The following CDC14A variants were observed in gnomAD, a reference collection of about 807,000 sequenced individuals.
The protein encoded by CDC14A is cell division cycle 14A.
A neutral mutation model predicts 74.4 loss-of-function variants in CDC14A; 53 were observed. The observed-to-expected ratio is 0.71, with a 90% CI of 0.57 to 0.89. CDC14A has a LOEUF of 0.89. Among genes scored for constraint, CDC14A ranks in the 40% least tolerant of loss-of-function variants. CDC14A has a pLI of 0.00. For missense variants in CDC14A, 646 were observed against 713.7 expected (o/e 0.91, Z 1.08); for synonymous variants, 247 against 258.4 (o/e 0.96, Z 0.43).
intron 15 of CDC14A, among the ~76,000 whole-genome samples, chr1:100,507,960 A>C (rs1014225807): frequency 3.9e-4 from 60 of 152,208 alleles, no homozygotes; most frequent in African/African-American, 1.4e-3. Flanking sequence ...GATTACAGGC[A>C]TAAGCCACTG....
At chr1:100,477,649 G>T (rs1056327389) in intron 10 of CDC14A, among the ~76,000 whole-genome samples, 1 of 152,104 alleles carries the variant, frequency 6.6e-6, no homozygotes, top group Admixed American at 6.6e-5. Context: ...ACTAACTAAT[G>T]ATCAGAGAGA....
At chr1:100,366,024 A>G (rs1653548491) in intron 2 of CDC14A, among the ~76,000 whole-genome samples, 2 of 151,858 alleles carry the variant, frequency 1.3e-5, no homozygotes. Context: ...CATTTATCAC[A>G]TTGTAATAAT....
chr1:100,463,827 C>T (rs1337283870), intron 9 of CDC14A, among the ~76,000 whole-genome samples: 3 of 152,092 alleles, frequency 2.0e-5, no homozygotes, highest in East Asian at 1.9e-4. Flanking sequence ...TTGATTTCAG[C>T]GAGGAGAAAT....
At chr1:100,349,524 G>T (rs12128994), upstream of CDC14A, among the ~76,000 whole-genome samples, 21,937 of 152,130 alleles carry the variant, frequency 0.14, 1,856 homozygotes, top group Non-Finnish European at 0.18. Context: ...TAGAACCTTG[G>T]TATGTATTAT....
At chr1:100,396,157 G>A (rs937502221) in intron 4 of CDC14A, among the ~76,000 whole-genome samples, 8 of 152,214 alleles carry the variant, frequency 5.3e-5, no homozygotes, top group Non-Finnish European at 1.2e-4. Flanking sequence ...CAAGGGGTTA[G>A]GCCGGGTATT....
At chr1:100,427,257 A>T (rs1300616788) in intron 5 of CDC14A, among the ~76,000 whole-genome samples, 1 of 152,096 alleles carries the variant, frequency 6.6e-6, no homozygotes, top group Non-Finnish European at 1.5e-5. Context: ...TTCTATTTGG[A>T]TGTAATTGTT....
In CDC14A at chr1:100,508,386, TTTGCCTTGTGG is replaced by T. The variant is rs1649422998; in HGVS notation, c.1755+9129_1755+9139del. ...CTATTTGCATTTCATCCTGTGAGAG[TTTGCCTTGTGG>T]TTGCATACTTCGTCAGTTCTCATAA... On this transcript the variant is annotated intron_variant, in intron 15 of 15. Coordinates refer to ENST00000336454, the MANE Select transcript of CDC14A (RefSeq NM_003672.4). This position sits in a 1 kb window ranked among gnomAD's most constrained non-coding sequence, Gnocchi z 4.4. 6.6e-6 allele frequency among the ~76,000 whole-genome samples: 1 copy of T among 152,084 alleles called. No individual in the cohort carries two copies. The highest frequency in any genetic ancestry group is 2.4e-5 in the African/African-American group (1 of 41,430).
chr1:100,503,404 A>C (rs1648953972), intron 15 of CDC14A, among the ~76,000 whole-genome samples: 1 of 152,180 alleles, frequency 6.6e-6, no homozygotes, highest in Non-Finnish European at 1.5e-5. Context: ...CTCTTAGGGG[A>C]TGGGGGTTAT....
At chr1:100,504,042 A>G (rs1649021228) in intron 15 of CDC14A, among the ~76,000 whole-genome samples, 1 of 152,018 alleles carries the variant, frequency 6.6e-6, no homozygotes, top group African/African-American at 2.4e-5. Flanking sequence ...CCACTAGACT[A>G]TATGCTTTGT....
intron 2 of CDC14A, among the ~76,000 whole-genome samples, chr1:100,369,171 G>A (rs903613505): frequency 2.0e-4 from 30 of 151,740 alleles, no homozygotes; most frequent in African/African-American, 6.8e-4. Flanking sequence ...CCGCCTCCTG[G>A]GTTCAAGCAA....
intron 7 of CDC14A, among the ~76,000 whole-genome samples, chr1:100,450,548 A>G (rs1239099995): frequency 1.3e-5 from 2 of 152,142 alleles, no homozygotes; most frequent in Non-Finnish European, 2.9e-5. Flanking sequence ...AAGAACTATT[A>G]GAAGAAGCAT....
intron 15 of CDC14A, among the ~76,000 whole-genome samples, chr1:100,512,020 C>T (rs566509765): frequency 6.6e-6 from 1 of 152,184 alleles, no homozygotes; most frequent in African/African-American, 2.4e-5. Context: ...CTACCTGGCA[C>T]GACCTGCCTT....
intron 15 of CDC14A, among the ~76,000 whole-genome samples, chr1:100,513,877 A>T (rs1649982833): frequency 6.6e-6 from 1 of 152,260 alleles, no homozygotes; most frequent in Admixed American, 6.5e-5. Flanking sequence ...AGGGAACAAG[A>T]CTTCTTGATG....
At chr1:100,364,382 A>ATT (rs937466548) in intron 2 of CDC14A, among the ~76,000 whole-genome samples, 53 of 144,344 alleles carry the variant, frequency 3.7e-4, no homozygotes, top group Middle Eastern at 3.6e-3. Flanking sequence ...TAATTTTTGT[A>ATT]TTTTTTTTTT....
intron 8 of CDC14A, among the ~76,000 whole-genome samples, chr1:100,456,436 C>T (rs12065637): frequency 2.8e-3 from 419 of 151,946 alleles, no homozygotes; most frequent in Non-Finnish European, 4.3e-3. Context: ...TATCCCCCCC[C>T]CTTTTTTTTT....
chr1:100,422,749 A>T (rs745591603), intron 4 of CDC14A, among the ~76,000 whole-genome samples: 1 of 152,184 alleles, frequency 6.6e-6, no homozygotes, highest in Non-Finnish European at 1.5e-5. Flanking sequence ...TTGCCAAATG[A>T]ATATGGGGTT....
intron 2 of CDC14A, among the ~76,000 whole-genome samples, chr1:100,366,784 C>T (rs767658541): frequency 5.9e-5 from 9 of 152,166 alleles, no homozygotes; most frequent in Non-Finnish European, 7.3e-5. Flanking sequence ...TTTACACTTA[C>T]TGAATAAAAA....
upstream of CDC14A, among the ~76,000 whole-genome samples, chr1:100,349,003 T>G (rs1650682992): frequency 6.6e-6 from 1 of 152,200 alleles, no homozygotes. Context: ...GAGACCAGCC[T>G]GGCCAACATA....
intron 13 of CDC14A, 139 bp from the exon 14 acceptor site, chr1:100,497,946 T>C (rs11585104): frequency 1.3e-6 from 1 of 782,434 alleles, no homozygotes; most frequent in Non-Finnish European, 2.0e-6. Context: ...GTGTCAGTGG[T>C]GGCTGCCGCT....
Sources: gnomAD v4.1 joint callset for allele counts (sites outside exome capture counted in the v4.1 genomes callset) on GRCh38, gnomAD v4.1.1 for gene constraint, Gnocchi (gnomAD v3.1) non-coding constraint, MANE v1.5 for transcripts, NCBI Gene and HGNC (gene_info 2026-07-23, HGNC 2026-07-21) for gene names.